The following HTT variants were observed in gnomAD, a reference collection of about 807,000 sequenced individuals.
The protein encoded by HTT is huntingtin.
HTT carries 104 observed loss-of-function variants against 362.3 expected under a neutral mutation model. The ratio of observed to expected loss-of-function variants is 0.29; its 90% CI spans 0.24 to 0.34. The LOEUF is 0.34. Among genes scored for constraint, HTT ranks in the 10% least tolerant of loss-of-function variants. The pLI, the probability that HTT is intolerant of heterozygous loss-of-function variation, is 1.00. For missense variants in HTT, 3,301 were observed against 3,928.6 expected (o/e 0.84, Z 4.27); for synonymous variants, 1,577 against 1,548.7 (o/e 1.02, Z -0.43).
At chr4:3,185,207 G>A (rs749755308) in intron 37 of HTT, among the ~76,000 whole-genome samples, 3 of 152,186 alleles carry the variant, frequency 2.0e-5, no homozygotes, top group Non-Finnish European at 4.4e-5. Flanking sequence ...GCCTGTTTAC[G>A]CACTGAGGGC....
At position 3,134,001 on chromosome 4, in the gene HTT, A is replaced by G. The variant is rs568211904; in HGVS notation, c.2494-400A>G. 3.9e-5 allele frequency among the ~76,000 whole-genome samples: 6 copies of G among 152,234 alleles called. No homozygotes were observed. The South Asian group carries it at 1.2e-3, about 32-fold the overall frequency. Reference sequence around the variant, plus strand: ...TCTGTTCTCTCGTGCTGTGGAGTACATAGTGACATAGTGGGGTGGTCCTTG... The same window carrying G: ...TCTGTTCTCTCGTGCTGTGGAGTACGTAGTGACATAGTGGGGTGGTCCTTG... On this transcript the variant is annotated intron_variant, in intron 18 of 66. Coordinates refer to ENST00000355072, the MANE Select transcript of HTT (RefSeq NM_001388492.1).
chr4:3,210,085 G>GGA, intron 47 of HTT, 136 bp downstream of exon 47: 1 of 1,084,292 alleles, frequency 9.2e-7, no homozygotes, highest in Non-Finnish European at 1.3e-6. Context: ...ACGGGATGTC[G>GGA]GAGAGACTCC....
At position 3,235,702 on chromosome 4, in the gene HTT, T is replaced by C; in HGVS notation, c.8709T>C (p.Ser2903=). Residue 2903 remains serine, a synonymous_variant, in exon 63 of 67, where the codon AGT becomes AGC. Transcript: ENST00000355072. ...RLDAESLVKL[S]VDRVNVHSPH... Reference sequence around the variant, plus strand: ...ATGCAGAATCGCTGGTCAAGCTGAGTGTGGACAGAGTGAACGTGCACAGCC... The same window carrying C: ...ATGCAGAATCGCTGGTCAAGCTGAGCGTGGACAGAGTGAACGTGCACAGCC... 2 of 1,613,238 alleles carry C rather than the reference T, an allele frequency of 1.2e-6. No individual in the cohort carries two copies. Among genetic ancestry groups the C allele is most frequent in the Non-Finnish European group, 8.5e-7 (1 of 1,180,008 alleles).
chr4:3,116,746 G>A (rs1026451671), intron 8 of HTT, among the ~76,000 whole-genome samples: 4 of 152,122 alleles, frequency 2.6e-5, no homozygotes, highest in African/African-American at 7.2e-5. Context: ...ACAAAATGTC[G>A]GAACTTCTCT....
chr4:3,091,053 G>A (rs919180228), intron 2 of HTT, among the ~76,000 whole-genome samples: 3 of 152,252 alleles, frequency 2.0e-5, no homozygotes, highest in South Asian at 4.1e-4. Flanking sequence ...TACAGGTTGC[G>A]GTGAGCCTAG....
intron 29 of HTT, among the ~76,000 whole-genome samples, chr4:3,168,533 C>G (rs1245541851): frequency 1.3e-5 from 2 of 152,026 alleles, no homozygotes; most frequent in Non-Finnish European, 2.9e-5. Flanking sequence ...AATGTTTTTT[C>G]TTGTCTTCTA....
At chr4:3,101,430 A>G (rs1315834016) in intron 3 of HTT, among the ~76,000 whole-genome samples, 2 of 152,160 alleles carry the variant, frequency 1.3e-5, no homozygotes, top group African/African-American at 4.8e-5. Context: ...CAGATGCTGT[A>G]GTTGTCAGGC....
chr4:3,184,921 G>A (rs956148029), intron 37 of HTT, among the ~76,000 whole-genome samples: 1 of 152,134 alleles, frequency 6.6e-6, no homozygotes, highest in Non-Finnish European at 1.5e-5. Flanking sequence ...GGCAGGTGTG[G>A]GGTTCCTAAA....
intron 5 of HTT, among the ~76,000 whole-genome samples, chr4:3,107,082 G>A (rs1714469586): frequency 6.6e-6 from 1 of 152,178 alleles, no homozygotes; most frequent in Non-Finnish European, 1.5e-5. Context: ...TAGATCCTCT[G>A]TGATCATAAG....
Position 3,122,891 on chromosome 4 carries a change from G to A in HTT, c.1276G>A (p.Gly426Arg), listed in dbSNP as rs777550215. Residue 426 changes from glycine to arginine, a missense_variant and splice_region_variant, in exon 10 of 67, where the codon GGA becomes AGA. By Grantham distance (125) the Gly-to-Arg change is moderately radical. Coordinates refer to ENST00000355072, the MANE Select transcript of HTT (RefSeq NM_001388492.1). The stretch of plus-strand genomic sequence containing the variant: ...CTGTCACTTTCTGTGATTTGCAGCT[G>A]GAGGGGGTTCCTCATGCAGCCCTGT... ...RSGSIVELIA[G>R]GGSSCSPVLS... 1.5e-5 allele frequency: 24 copies of A among 1,609,004 alleles called. No homozygotes were observed. Among genetic ancestry groups the A allele is most frequent in the Non-Finnish European group, 2.0e-5 (24 of 1,177,136 alleles).
intron 35 of HTT, 45 bp from the exon 36 acceptor site, chr4:3,180,469 TA>T: frequency 6.6e-7 from 1 of 1,512,872 alleles, no homozygotes; most frequent in Non-Finnish European, 8.8e-7. Context: ...TTTCCAAATG[TA>T]ATTTCCATGA....
intron 29 of HTT, among the ~76,000 whole-genome samples, chr4:3,172,006 C>T (rs1424640730): frequency 6.6e-6 from 1 of 152,182 alleles, no homozygotes; most frequent in Non-Finnish European, 1.5e-5. Flanking sequence ...CTGCTTTGCA[C>T]ACTTCTGAAT....
rs1165881005 is a variant in HTT, at chr4:3,241,731, G to C, written c.*1672G>C. 6.6e-6 allele frequency: 1 copy of C among 152,198 alleles called. No individual in the cohort carries two copies. Among genetic ancestry groups the C allele is most frequent in the Non-Finnish European group, 1.5e-5 (1 of 68,038 alleles). The allele number at this position is 152,198 out of a possible 1,614,324, so 9.4% of individuals were successfully genotyped here. On this transcript the variant is annotated 3_prime_UTR_variant, in exon 67 of 67. Transcript: ENST00000355072. ...CAGCTGAGATGTGGACTTGTATGCTGCCCACATACGTGAGGGGGAGCTGAA... is the reference window on the plus strand; with the variant it reads ...CAGCTGAGATGTGGACTTGTATGCTCCCCACATACGTGAGGGGGAGCTGAA...
intron 40 of HTT, among the ~76,000 whole-genome samples, chr4:3,198,209 G>A (rs985930793): frequency 4.5e-5 from 6 of 133,710 alleles, no homozygotes; most frequent in South Asian, 2.4e-4. Flanking sequence ...CTTTGGGGAT[G>A]TGTTGATTTT....
At chr4:3,178,518 C>A in intron 35 of HTT, 72 bp downstream of exon 35, 1 of 1,382,548 alleles carries the variant, frequency 7.2e-7, no homozygotes, top group Non-Finnish European at 1.0e-6. Flanking sequence ...TTCATATACC[C>A]ACTTTGAACG....
chr4:3,162,046 A>G (rs897950095), intron 29 of HTT, among the ~76,000 whole-genome samples: 2 of 152,036 alleles, frequency 1.3e-5, no homozygotes, highest in African/African-American at 4.8e-5. Context: ...TAGGATTTTT[A>G]TGGTCCTAGG....
chr4:3,152,101 ATT>A (rs35557405), intron 26 of HTT, among the ~76,000 whole-genome samples: 3 of 139,486 alleles, frequency 2.2e-5, no homozygotes, highest in African/African-American at 5.4e-5. Context: ...TAATTTTTTG[ATT>A]TTTTTTTTTT....
chr4:3,115,173 G>C (rs1222548530), intron 6 of HTT, 131 bp from the exon 7 acceptor site: 1 of 914,220 alleles, frequency 1.1e-6, no homozygotes, highest in African/African-American at 1.7e-5. Context: ...CAGTTCAGCT[G>C]TAGGAAAAGC....
At chr4:3,151,693 C>G (rs55646415) in intron 26 of HTT, among the ~76,000 whole-genome samples, 1,784 of 152,194 alleles carry the variant, frequency 0.012, 44 homozygotes, top group African/African-American at 0.041. Flanking sequence ...CAGTTTCATC[C>G]CGAAACCATC....
Sources: allele counts gnomAD v4.1 joint callset (sites outside exome capture counted in the v4.1 genomes callset), GRCh38; gene constraint gnomAD v4.1.1; transcripts MANE v1.5; gene names NCBI Gene and HGNC (gene_info 2026-07-23, HGNC 2026-07-21).